The following NDC1 variants were observed in gnomAD, a reference collection of about 807,000 sequenced individuals.
NDC1 encodes the protein nucleoporin NDC1.
A neutral mutation model predicts 89.8 loss-of-function variants in NDC1; 24 were observed. That is an observed-to-expected ratio of 0.27 (90% CI 0.19 to 0.38). NDC1 has a LOEUF of 0.38. Among genes scored for constraint, NDC1 ranks in the 10% least tolerant of loss-of-function variants. The pLI, the probability that NDC1 is intolerant of heterozygous loss-of-function variation, is 1.00. For synonymous variants in NDC1, 296 were observed against 284.8 expected, an observed-to-expected ratio of 1.04 and a Z score of -0.39; for missense variants, 728 against 797.6, an observed-to-expected ratio of 0.91 and a Z score of 1.05.
rs150103688 is a variant in NDC1, at chr1:53,831,670, T to A, written c.280+820A>T. 4.9e-4 allele frequency among the ~76,000 whole-genome samples: 73 copies of A among 149,070 alleles called. 2 individuals are homozygous for A. The East Asian group carries it at 0.014, about 29-fold the overall frequency. On this transcript the variant is annotated intron_variant, in intron 3 of 17. Transcript: ENST00000371429. The stretch of plus-strand genomic sequence containing the variant: ...CCTGGCGACAGAGCGAGACTCTGTC[T>A]CAAAAAAAAAAAAGGAAAATGATGT...
At position 53,838,207 on chromosome 1, in the gene NDC1, G is replaced by T; in HGVS notation, c.55C>A (p.Arg19Ser). Residue 19 changes from arginine (R) to serine (S), a missense_variant and splice_region_variant, in exon 1 of 18, where the codon CGC (arginine) becomes AGC (serine). Arg to Ser is a moderately radical substitution (Grantham distance 110, BLOSUM62 -1). Coordinates refer to ENST00000371429, the MANE Select transcript of NDC1 (RefSeq NM_018087.5). The part of the protein sequence containing the change: ...CAGRSRDILW[R>S]VLGWRIVASI... ...GCCACAGTGCACGCCGCACTCACGC[G>T]CCACAGTATGTCCCGCGACCTGCCG... The T allele has an allele frequency of 6.5e-7, 1 of 1,535,116 alleles. No individual in the cohort carries two copies. The highest frequency in any genetic ancestry group is 8.7e-7 in the Non-Finnish European group (1 of 1,145,946).
chr1:53,812,897 ACAGCAGATTTAT>A (rs202227143), intron 6 of NDC1, among the ~76,000 whole-genome samples: 3,562 of 152,258 alleles, frequency 0.023, 157 homozygotes, highest in African/African-American at 0.081. Flanking sequence ...TATCAGATTA[ACAGCAGATTTAT>A]CAGCAGAAAC....
At position 53,800,854 on chromosome 1, in the gene NDC1, AG is replaced by A; in HGVS notation, c.1067-7del. The A allele has an allele frequency of 1.3e-6, 2 of 1,571,646 alleles. No individual in the cohort carries two copies. The highest frequency in any genetic ancestry group is 2.4e-5 in the South Asian group (2 of 84,376). Reference sequence around the variant, plus strand: ...CCAATTGTGGGGATGTCCACCTAGGAGGTCCAAACACCAGCTTTTAAAATGT... The same window carrying A: ...CCAATTGTGGGGATGTCCACCTAGGAGTCCAAACACCAGCTTTTAAAATGT... On this transcript the variant is annotated splice_polypyrimidine_tract_variant and splice_region_variant and intron_variant, in intron 10 of 17. Coordinates refer to ENST00000371429, the MANE Select transcript of NDC1 (RefSeq NM_018087.5).
chr1:53,773,312 T>A (rs1181629903), intron 16 of NDC1, among the ~76,000 whole-genome samples: 1 of 152,146 alleles, frequency 6.6e-6, no homozygotes, highest in Non-Finnish European at 1.5e-5. Flanking sequence ...TAATTAAAAT[T>A]ATTTTTGCCA....
In NDC1 at chr1:53,767,397, G is replaced by A. The variant is rs1384304382; in HGVS notation, c.*573C>T. 6.6e-6 allele frequency: 1 copy of A among 151,660 alleles called. No individual in the cohort carries two copies. Among genetic ancestry groups the A allele is most frequent in the African/African-American group, 2.4e-5 (1 of 41,274 alleles). The allele number at this position is 151,660 out of a possible 1,614,324, so 9.4% of individuals were successfully genotyped here. A position where few individuals can be genotyped will look rare whatever the true frequency, so the allele number is the denominator to read the frequency against. On this transcript the variant is annotated 3_prime_UTR_variant, in exon 18 of 18. Transcript: ENST00000371429. ...ATCTGTAAACTGAGACCCTTTTTTGGGTAATCATACAAATTTAATTTGTCC... is the reference window on the plus strand; with the variant it reads ...ATCTGTAAACTGAGACCCTTTTTTGAGTAATCATACAAATTTAATTTGTCC...
chr1:53,798,785 C>T, intron 11 of NDC1, among the ~76,000 whole-genome samples: 1 of 152,088 alleles, frequency 6.6e-6, no homozygotes. Context: ...AAACTCCTGA[C>T]CTCAAATGAT....
At chr1:53,819,491 A>T (rs1648588593) in intron 5 of NDC1, among the ~76,000 whole-genome samples, 1 of 152,204 alleles carries the variant, frequency 6.6e-6, no homozygotes, top group Non-Finnish European at 1.5e-5. Flanking sequence ...AGTTTTTACT[A>T]CTACCCTCAT....
chr1:53,802,328 G>A (rs2100657870), intron 10 of NDC1, among the ~76,000 whole-genome samples: 1 of 151,940 alleles, frequency 6.6e-6, no homozygotes, highest in South Asian at 2.1e-4. Context: ...ATTTTATCTG[G>A]TAATTGGCAA....
intron 17 of NDC1, among the ~76,000 whole-genome samples, chr1:53,772,105 TTC>T (rs1250296529): frequency 6.6e-6 from 1 of 152,134 alleles, no homozygotes; most frequent in Non-Finnish European, 1.5e-5. Flanking sequence ...ATTTATAACT[TTC>T]TGTCTTCTTT....
chr1:53,831,966 T>C (rs1404275486), intron 3 of NDC1, among the ~76,000 whole-genome samples: 2 of 152,214 alleles, frequency 1.3e-5, no homozygotes, highest in African/African-American at 4.8e-5. Context: ...AAGGAATTCT[T>C]TTCATAATGT....
chr1:53,833,248 C>T (rs1344321278), intron 2 of NDC1, among the ~76,000 whole-genome samples: 1 of 152,200 alleles, frequency 6.6e-6, no homozygotes, highest in East Asian at 1.9e-4. Context: ...CTGCAATCCG[C>T]CTCCTGGGTT....
Position 53,807,638 on chromosome 1 carries a change from A to G in NDC1, c.891+18T>C, listed in dbSNP as rs778830507. The stretch of plus-strand genomic sequence containing the variant: ...CAAAACACAAAAGTATTAAGAAAAA[A>G]TATTTTAAAAAACATACCTCTGTGG... On this transcript the variant is annotated intron_variant, in intron 8 of 17. Coordinates refer to ENST00000371429, the MANE Select transcript of NDC1 (RefSeq NM_018087.5). The G allele has an allele frequency of 4.4e-6, 7 of 1,586,856 alleles. No individual in the cohort carries two copies. The highest frequency in any genetic ancestry group is 1.9e-5 in the Admixed American group (1 of 51,912).
chr1:53,779,546 T>A (rs1432393701), intron 16 of NDC1, among the ~76,000 whole-genome samples: 1 of 152,138 alleles, frequency 6.6e-6, no homozygotes. Context: ...TGCCATTCTA[T>A]CGTGAAAAAG....
chr1:53,833,858 C>G lies in NDC1; in HGVS notation c.179-1267G>C, dbSNP rs139912680. 9.8e-3 allele frequency among the ~76,000 whole-genome samples: 1,476 copies of G among 150,980 alleles called. 24 individuals are homozygous for G. The highest frequency in any genetic ancestry group is 0.034 in the African/African-American group (1,400 of 41,070). ...TTTTTTTTTTTGAGATGGAGTCTCACTCTGTCACCCAGGCTGGAGTGAAGT... is the reference window on the plus strand; with the variant it reads ...TTTTTTTTTTTGAGATGGAGTCTCAGTCTGTCACCCAGGCTGGAGTGAAGT... On this transcript the variant is annotated intron_variant, in intron 2 of 17. Coordinates refer to ENST00000371429, the MANE Select transcript of NDC1 (RefSeq NM_018087.5).
chr1:53,790,183 G>A (rs1647441198), intron 14 of NDC1, among the ~76,000 whole-genome samples: 2 of 151,422 alleles, frequency 1.3e-5, no homozygotes, highest in African/African-American at 4.9e-5. Context: ...TGGCCAACAT[G>A]GCGAAACCCT....
At chr1:53,838,107 C>G in intron 1 of NDC1, 98 bp downstream of exon 1, 3 of 1,137,818 alleles carry the variant, frequency 2.6e-6, no homozygotes, top group South Asian at 1.4e-5. Flanking sequence ...CACGCTGCCC[C>G]GGGACCGGCC....
At chr1:53,827,423 A>T (rs1189814703) in intron 4 of NDC1, among the ~76,000 whole-genome samples, 1 of 152,162 alleles carries the variant, frequency 6.6e-6, no homozygotes, top group Non-Finnish European at 1.5e-5. Flanking sequence ...CTACAGGCAC[A>T]TGCCACCACT....
chr1:53,814,831 T>C (rs1215742650), intron 6 of NDC1, among the ~76,000 whole-genome samples: 2 of 152,192 alleles, frequency 1.3e-5, no homozygotes, highest in African/African-American at 4.8e-5. Flanking sequence ...ACAACACCTT[T>C]ACGCACATAA....
At chr1:53,779,170 A>G (rs1647185035) in intron 16 of NDC1, among the ~76,000 whole-genome samples, 1 of 151,908 alleles carries the variant, frequency 6.6e-6, no homozygotes, top group Middle Eastern at 3.4e-3. Context: ...GAATAATGAC[A>G]ACAAAGTAGT....
Sources: gnomAD v4.1 joint callset for allele counts (sites outside exome capture counted in the v4.1 genomes callset) on GRCh38, gnomAD v4.1.1 for gene constraint, MANE v1.5 for transcripts, NCBI Gene and HGNC (gene_info 2026-07-23, HGNC 2026-07-21) for gene names.